Variants in ERC2 observed in about 807,000 individuals in gnomAD.
The protein encoded by ERC2 is ERC protein 2.
A neutral mutation model predicts 114.8 loss-of-function variants in ERC2; 42 were observed. The observed-to-expected ratio is 0.37, with a 90% confidence interval of 0.29 to 0.47. The LOEUF (loss-of-function observed/expected upper bound fraction) is 0.47. Ranked by LOEUF, ERC2 falls within the 20% of genes least tolerant of loss-of-function variation. ERC2 has a pLI of 0.99. For missense variants in ERC2, 939 were observed against 1,150.7 expected, an observed-to-expected ratio of 0.82 and a Z score of 2.66; for synonymous variants, 454 against 425.5, an observed-to-expected ratio of 1.07 and a Z score of -0.82.
intron 12 of ERC2, among the ~76,000 whole-genome samples, chr3:55,971,849 C>T (rs1166454023): frequency 1.3e-5 from 2 of 152,198 alleles, no homozygotes; most frequent in African/African-American, 4.8e-5. Flanking sequence ...TTCATTAAAC[C>T]ACCCAAGATT....
Position 56,149,224 on chromosome 3 carries a change from G to A in ERC2, c.1150-92C>T, listed in dbSNP as rs2081295822. ...AGAATTTAAGAAAGTAATTTTGGTA[G>A]TGCTGTCACATATTAACCATGGTAT... On this transcript the variant is annotated intron_variant, in intron 4 of 17. Transcript: ENST00000288221. 2.4e-6 allele frequency: 3 copies of A among 1,254,082 alleles called. No individual in the cohort carries two copies. In the South Asian group the frequency reaches 4.6e-5, roughly 19 times the overall value. The allele number at this position is 1,254,082 out of a possible 1,614,324, so 77.7% of individuals were successfully genotyped here. A position where few individuals can be genotyped will look rare whatever the true frequency, so the allele number is the denominator to read the frequency against.
At chr3:56,147,920 T>G (rs977451179) in intron 5 of ERC2, among the ~76,000 whole-genome samples, 1 of 152,080 alleles carries the variant, frequency 6.6e-6, no homozygotes, top group African/African-American at 2.4e-5. Flanking sequence ...AAGCCACAAA[T>G]TTATTTTTGA....
rs752370336 is a variant in ERC2, at chr3:55,888,568, T to C, written c.2404-19A>G. 6.2e-7 allele frequency: 1 copy of C among 1,612,520 alleles called. No homozygotes were observed. ...CCTCTATCTGAAAGGCACATGGAGC[T>C]CTGTGTGTTATTTCTCCTTCATTCA... On this transcript the variant is annotated intron_variant, in intron 13 of 17. Coordinates refer to ENST00000288221, the MANE Select transcript of ERC2 (RefSeq NM_015576.3).
chr3:56,276,897 G>C (rs2054038455), intron 3 of ERC2, among the ~76,000 whole-genome samples: 1 of 152,096 alleles, frequency 6.6e-6, no homozygotes, highest in Non-Finnish European at 1.5e-5. Context: ...AATTTTGGGG[G>C]GCCACATTCA....
rs2055698483 is a variant in ERC2 at position 56,299,293 on chromosome 3, A to G, written c.658-2858T>C. ...CAGGTGCCCGCCATCACGCCCAGCT[A>G]ATTTTTTTGTATTTTTAATAGAGAC... On this transcript the variant is annotated intron_variant, in intron 2 of 17. Coordinates refer to ENST00000288221, the MANE Select transcript of ERC2 (RefSeq NM_015576.3). Among the ~76,000 whole-genome samples, 2 of 151,182 alleles carry G rather than the reference A, an allele frequency of 1.3e-5. 1 individual carries two copies. Among genetic ancestry groups the G allele is most frequent in the South Asian group, 4.2e-4 (2 of 4,788 alleles).
At chr3:56,163,963 T>C (rs1162453080) in intron 4 of ERC2, among the ~76,000 whole-genome samples, 3 of 152,090 alleles carry the variant, frequency 2.0e-5, no homozygotes, top group Admixed American at 6.6e-5. Context: ...ATAGGGTCTA[T>C]GGGCTAAGTA....
Position 55,642,245 on chromosome 3 carries a change from T to C in ERC2, c.*39+41549A>G, listed in dbSNP as rs151054995. ...AGCATGTTCTCTCTCCCCAGGGAAATAGGCTAAGTTCAGTCTCTCTGCACA... is the reference window on the plus strand; with the variant it reads ...AGCATGTTCTCTCTCCCCAGGGAAACAGGCTAAGTTCAGTCTCTCTGCACA... On this transcript the variant is annotated intron_variant, in intron 17 of 17. Transcript: ENST00000288221. 3.4e-4 allele frequency among the ~76,000 whole-genome samples: 52 copies of C among 152,218 alleles called. No individual in the cohort carries two copies. In the East Asian group the frequency reaches 8.5e-3, roughly 25 times the overall value.
At position 56,031,085 on chromosome 3, in the gene ERC2, C is replaced by G. The variant is rs547052566; in HGVS notation, c.1642-12054G>C. On this transcript the variant is annotated intron_variant, in intron 7 of 17. Coordinates refer to ENST00000288221, the MANE Select transcript of ERC2 (RefSeq NM_015576.3). ...TAACACTTTCCAGTGAGGATCAGCA[C>G]TAGGCTGGCCTCCAAATACTCAAGA... Among the ~76,000 whole-genome samples the G allele has an allele frequency of 3.3e-5, 5 of 152,282 alleles. No homozygotes were observed. In the South Asian group the frequency reaches 1.0e-3, roughly 32 times the overall value.
intron 17 of ERC2, among the ~76,000 whole-genome samples, chr3:55,550,812 CGAG>C (rs1559638293): frequency 6.6e-6 from 1 of 151,824 alleles, no homozygotes; most frequent in Non-Finnish European, 1.5e-5. Flanking sequence ...GTCAGGAGAT[CGAG>C]ACCATCCTGG....
chr3:55,719,203 C>T (rs1399186202), intron 15 of ERC2, among the ~76,000 whole-genome samples: 1 of 152,108 alleles, frequency 6.6e-6, no homozygotes, highest in Non-Finnish European at 1.5e-5. Flanking sequence ...GGTCTCATTC[C>T]AGCCGTGACA....
At chr3:55,684,870 A>G (rs1269196665) in intron 16 of ERC2, among the ~76,000 whole-genome samples, 1 of 152,132 alleles carries the variant, frequency 6.6e-6, no homozygotes, top group East Asian at 1.9e-4. Context: ...GTGAAGTCAG[A>G]TTTTTCCATA....
intron 7 of ERC2, among the ~76,000 whole-genome samples, chr3:56,054,815 T>A (rs2149693212): frequency 6.6e-6 from 1 of 152,302 alleles, no homozygotes; most frequent in South Asian, 2.1e-4. Context: ...AGAAAACTGT[T>A]GCAGTAACAA....
At chr3:56,054,898 T>C (rs2075939705) in intron 7 of ERC2, among the ~76,000 whole-genome samples, 1 of 152,212 alleles carries the variant, frequency 6.6e-6, no homozygotes, top group African/African-American at 2.4e-5. Context: ...TCTGTATATG[T>C]AGTCTTATAT....
chr3:55,657,981 C>CA (rs1405184517), intron 17 of ERC2: 2 of 152,174 alleles, frequency 1.3e-5, no homozygotes, highest in Non-Finnish European at 2.9e-5. Flanking sequence ...GTATAGCTCC[C>CA]ACCGTGGATC....
At chr3:55,745,619 C>T (rs1234081550) in intron 14 of ERC2, among the ~76,000 whole-genome samples, 2 of 152,184 alleles carry the variant, frequency 1.3e-5, no homozygotes, top group Non-Finnish European at 2.9e-5. Flanking sequence ...ATGTGAAATA[C>T]ACCTAACCAG....
At chr3:55,779,606 G>A (rs1447049338) in intron 14 of ERC2, among the ~76,000 whole-genome samples, 8 of 152,054 alleles carry the variant, frequency 5.3e-5, no homozygotes, top group Non-Finnish European at 1.0e-4. Context: ...TTCTACTTGT[G>A]ACTATGATAT....
intron 7 of ERC2, among the ~76,000 whole-genome samples, chr3:56,069,583 T>C (rs1374476967): frequency 1.3e-5 from 2 of 152,110 alleles, no homozygotes; most frequent in Non-Finnish European, 2.9e-5. Context: ...TCCATCATAT[T>C]CATAGTCCCA....
chr3:55,602,570 C>T lies in ERC2; in HGVS notation c.*39+81224G>A, dbSNP rs188009855. Among the ~76,000 whole-genome samples, 48 of 152,310 alleles carry T rather than the reference C, an allele frequency of 3.2e-4. 1 individual carries two copies. The highest frequency in any genetic ancestry group is 9.1e-4 in the African/African-American group (38 of 41,580). ...AGTCTCTGCAGGAGAAGCGCTCTGCCGCTGGGGTTCACTCTGTGGCAGTGT... is the reference window on the plus strand; with the variant it reads ...AGTCTCTGCAGGAGAAGCGCTCTGCTGCTGGGGTTCACTCTGTGGCAGTGT... On this transcript the variant is annotated intron_variant, in intron 17 of 17. Transcript: ENST00000288221.
At chr3:55,944,075 C>T (rs1385165088) in intron 13 of ERC2, among the ~76,000 whole-genome samples, 2 of 152,148 alleles carry the variant, frequency 1.3e-5, no homozygotes, top group Non-Finnish European at 2.9e-5. Flanking sequence ...TAGAAAGCCC[C>T]CTCAAAATAA....
Sources: allele counts gnomAD v4.1 joint callset (sites outside exome capture counted in the v4.1 genomes callset), GRCh38; gene constraint gnomAD v4.1.1; transcripts MANE v1.5; gene names NCBI Gene and HGNC (gene_info 2026-07-23, HGNC 2026-07-21).